MYO1H: variants seen among roughly 807,000 people sequenced by gnomAD.
MYO1H encodes the protein unconventional myosin-Ih.
A neutral mutation model predicts 149.3 loss-of-function variants in MYO1H; 118 were observed. That is an observed-to-expected ratio of 0.79 (90% CI 0.68 to 0.92). The LOEUF is 0.92. Ranked by LOEUF, MYO1H falls within the 40% of genes least tolerant of loss-of-function variation. MYO1H has a pLI of 0.00. For missense variants in MYO1H, 1,212 were observed against 1,280.7 expected, an observed-to-expected ratio of 0.95 and a Z score of 0.82; for synonymous variants, 447 against 465.2, an observed-to-expected ratio of 0.96 and a Z score of 0.50.
intron 1 of MYO1H, among the ~76,000 whole-genome samples, chr12:109,375,516 A>G (rs1315631348): frequency 1.3e-5 from 2 of 151,946 alleles, no homozygotes; most frequent in African/African-American, 4.8e-5. Context: ...GAACTGTTTG[A>G]TTTTTCTTAT....
intron 23 of MYO1H, 193 bp from the exon 24 acceptor site, chr12:109,439,438 C>T (rs1388925569): frequency 2.1e-6 from 1 of 479,644 alleles, no homozygotes. Flanking sequence ...CTAATTAAAG[C>T]TCCTCAAAAC....
intron 1 of MYO1H, among the ~76,000 whole-genome samples, chr12:109,375,191 TGC>T (rs1307009309): frequency 1.3e-5 from 2 of 150,920 alleles, no homozygotes; most frequent in Non-Finnish European, 3.0e-5. Context: ...CTGGCTCTAT[TGC>T]CCAGGCTGGA....
chr12:109,393,031 G>A (rs965380218), intron 2 of MYO1H, among the ~76,000 whole-genome samples: 5 of 151,802 alleles, frequency 3.3e-5, no homozygotes, highest in East Asian at 2.0e-4. Context: ...GGATGGTCTC[G>A]ATCTCCTGAC....
the MYO1H span, among the ~76,000 whole-genome samples, chr12:109,325,574 A>G: frequency 6.6e-6 from 1 of 152,258 alleles, no homozygotes; most frequent in Admixed American, 6.5e-5. Context: ...AAAAGGCAAA[A>G]TTGACAAATG....
chr12:109,369,562 C>T (rs566311176), intron 1 of MYO1H, among the ~76,000 whole-genome samples: 2 of 152,276 alleles, frequency 1.3e-5, no homozygotes, highest in South Asian at 2.1e-4. Flanking sequence ...ATCTCTCTCT[C>T]ACACACACCC....
At chr12:109,315,071 C>T in the MYO1H span, among the ~76,000 whole-genome samples, 1 of 152,178 alleles carries the variant, frequency 6.6e-6, no homozygotes, top group East Asian at 1.9e-4. Context: ...CACTGCATTC[C>T]AGCCTGGGCT....
intron 3 of MYO1H, among the ~76,000 whole-genome samples, chr12:109,393,905 G>A (rs116421199): frequency 2.7e-5 from 4 of 149,658 alleles, no homozygotes; most frequent in African/African-American, 7.7e-5. Flanking sequence ...TGTCTTCTCC[G>A]GGAAGAGGGT....
intron 1 of MYO1H, among the ~76,000 whole-genome samples, chr12:109,365,532 A>C (rs1868849248): frequency 1.3e-5 from 2 of 151,972 alleles, no homozygotes; most frequent in African/African-American, 2.4e-5. Flanking sequence ...GGAGGTGGTG[A>C]GCTTGGTTGG....
intron 19 of MYO1H, among the ~76,000 whole-genome samples, chr12:109,430,540 C>T (rs192115529): frequency 3.3e-5 from 5 of 152,310 alleles, no homozygotes; most frequent in Admixed American, 3.3e-4. Flanking sequence ...GTTCAGGAAG[C>T]ACACATCCTG....
intron 6 of MYO1H, among the ~76,000 whole-genome samples, chr12:109,402,573 G>C (rs898403931): frequency 3.9e-5 from 6 of 152,076 alleles, no homozygotes; most frequent in African/African-American, 1.4e-4. Flanking sequence ...TTTAAGACCG[G>C]CCTGGGCAAT....
chr12:109,324,708 T>C, the MYO1H span, among the ~76,000 whole-genome samples: 5 of 152,134 alleles, frequency 3.3e-5, no homozygotes, highest in Admixed American at 6.5e-5. Flanking sequence ...CTTTTCTTTT[T>C]TTTTTTAAAT....
chr12:109,405,859 G>A, intron 7 of MYO1H, 63 bp from the exon 8 acceptor site: 2 of 1,159,228 alleles, frequency 1.7e-6, no homozygotes, highest in Non-Finnish European at 2.6e-6. Context: ...GTATCAATTA[G>A]GCGGCCACCG....
chr12:109,384,412 A>G (rs1333988065), intron 1 of MYO1H, among the ~76,000 whole-genome samples: 1 of 152,116 alleles, frequency 6.6e-6, no homozygotes, highest in African/African-American at 2.4e-5. Flanking sequence ...CCTCTTATTT[A>G]ATCTGGATTT....
At chr12:109,346,919 T>C (rs2048104387), upstream of MYO1H, among the ~76,000 whole-genome samples, 1 of 152,232 alleles carries the variant, frequency 6.6e-6, no homozygotes, top group African/African-American at 2.4e-5. Context: ...GAATCATTTC[T>C]TTAAAAAAGT....
chr12:109,381,812 C>A (rs1338768700), intron 1 of MYO1H, among the ~76,000 whole-genome samples: 1 of 151,532 alleles, frequency 6.6e-6, no homozygotes, highest in Non-Finnish European at 1.5e-5. Context: ...GGCAACAGAG[C>A]AAGACTCTGT....
intron 22 of MYO1H, 119 bp from the exon 23 acceptor site, chr12:109,438,417 A>G (rs1871963962): frequency 2.7e-6 from 2 of 749,330 alleles, no homozygotes; most frequent in South Asian, 3.0e-5. Flanking sequence ...CTCTGAGGCT[A>G]ACAGAGTGCT....
upstream of MYO1H, among the ~76,000 whole-genome samples, chr12:109,347,404 T>C (rs1211676681): frequency 6.6e-6 from 1 of 152,104 alleles, no homozygotes; most frequent in African/African-American, 2.4e-5. Flanking sequence ...CATCTGAAAA[T>C]AATAATAAAA....
chr12:109,443,736 C>G (rs1872352447), intron 28 of MYO1H, 87 bp downstream of exon 28: 2 of 1,502,910 alleles, frequency 1.3e-6, no homozygotes, highest in African/African-American at 1.4e-5. Flanking sequence ...ATGGGAAACA[C>G]AAGTGTAGGG....
At chr12:109,327,977 A>T in the MYO1H span, among the ~76,000 whole-genome samples, 1 of 151,782 alleles carries the variant, frequency 6.6e-6, no homozygotes, top group South Asian at 2.1e-4. Flanking sequence ...TTTTAGGCTG[A>T]TTGCATTGTT....
Sources: gnomAD v4.1 joint callset for allele counts (sites outside exome capture counted in the v4.1 genomes callset) on GRCh38, gnomAD v4.1.1 for gene constraint, MANE v1.5 for transcripts, NCBI Gene and HGNC (gene_info 2026-07-23, HGNC 2026-07-21) for gene names.